Variants in BANK1 observed in about 807,000 individuals in gnomAD.
BANK1 encodes B-cell scaffold protein with ankyrin repeats.
A neutral mutation model predicts 94.5 loss-of-function variants in BANK1; 95 were observed. The observed-to-expected ratio is 1.00, with a 90% CI of 0.85 to 1.19. The LOEUF is 1.19. Ranked by LOEUF, BANK1 falls within the 50% of genes most tolerant of loss-of-function variation. The pLI is 0.00. For synonymous variants in BANK1, 334 were observed against 308.4 expected, an observed-to-expected ratio of 1.08 and a Z score of -0.87; for missense variants, 987 against 932.2, an observed-to-expected ratio of 1.06 and a Z score of -0.77.
chr4:101,915,480 A>C (rs1722796813), intron 6 of BANK1, among the ~76,000 whole-genome samples: 1 of 152,104 alleles, frequency 6.6e-6, no homozygotes, highest in Non-Finnish European at 1.5e-5. Flanking sequence ...TTAGGACATA[A>C]CCTATTCAAC....
chr4:101,798,158 A>G (rs1459723015), intron 1 of BANK1, among the ~76,000 whole-genome samples: 1 of 152,202 alleles, frequency 6.6e-6, no homozygotes, highest in Non-Finnish European at 1.5e-5. Flanking sequence ...AAACTTACAG[A>G]TGACCTTAGA....
intron 3 of BANK1, among the ~76,000 whole-genome samples, chr4:101,862,089 A>G (rs1292436867): frequency 2.0e-5 from 3 of 152,230 alleles, no homozygotes; most frequent in Non-Finnish European, 2.9e-5. Flanking sequence ...AACTTTTTCA[A>G]TTCTATCATT....
chr4:101,874,800 G>A (rs1263124615), intron 5 of BANK1, among the ~76,000 whole-genome samples: 1 of 152,136 alleles, frequency 6.6e-6, no homozygotes, highest in African/African-American at 2.4e-5. Flanking sequence ...TGAACACTGT[G>A]TTTTTCATGT....
intron 1 of BANK1, among the ~76,000 whole-genome samples, chr4:101,811,419 C>T (rs977159258): frequency 2.6e-5 from 4 of 151,964 alleles, no homozygotes; most frequent in African/African-American, 4.8e-5. Flanking sequence ...TTAAAAGCTA[C>T]TCTCTTATAA....
chr4:101,983,716 G>C (rs142705350), intron 7 of BANK1, among the ~76,000 whole-genome samples: 7 of 152,144 alleles, frequency 4.6e-5, no homozygotes, highest in African/African-American at 1.7e-4. Flanking sequence ...TTTGGAAGAA[G>C]GGAGAAAAGA....
intron 2 of BANK1, among the ~76,000 whole-genome samples, chr4:101,846,518 A>G (rs376267002): frequency 5.8e-4 from 89 of 152,304 alleles, no homozygotes; most frequent in Non-Finnish European, 6.2e-4. Context: ...GTAATTTTTA[A>G]GAAGACTGGG....
chr4:101,950,065 G>A (rs1289500955), intron 7 of BANK1, among the ~76,000 whole-genome samples: 4 of 128,090 alleles, frequency 3.1e-5, no homozygotes, highest in East Asian at 4.5e-4. Flanking sequence ...GTGTGTGCGC[G>A]TGCGCGCGCA....
At chr4:101,855,706 C>T (rs749667350) in intron 3 of BANK1, among the ~76,000 whole-genome samples, 2 of 152,144 alleles carry the variant, frequency 1.3e-5, no homozygotes, top group Non-Finnish European at 2.9e-5. Flanking sequence ...TAAAGGGAAA[C>T]ATACCCTTGG....
chr4:102,043,110 G>A (rs1379747952), intron 10 of BANK1, among the ~76,000 whole-genome samples: 1 of 151,926 alleles, frequency 6.6e-6, no homozygotes, highest in Non-Finnish European at 1.5e-5. Flanking sequence ...GTAACTCTGG[G>A]ATGTTCATTT....
intron 7 of BANK1, among the ~76,000 whole-genome samples, chr4:101,945,398 A>T (rs1282828051): frequency 6.6e-6 from 1 of 151,974 alleles, no homozygotes; most frequent in Non-Finnish European, 1.5e-5. Flanking sequence ...GAAATATGCT[A>T]TTCACCATGC....
chr4:101,941,958 G>A lies in BANK1; in HGVS notation c.1206+23769G>A, dbSNP rs1017910518. Among the ~76,000 whole-genome samples, 5 of 151,884 alleles carry A rather than the reference G, an allele frequency of 3.3e-5. No individual in the cohort carries two copies. In the East Asian group the frequency reaches 9.8e-4, roughly 30 times the overall value. On this transcript the variant is annotated intron_variant, in intron 7 of 16. Coordinates refer to ENST00000322953, the MANE Select transcript of BANK1 (RefSeq NM_017935.5). Reference sequence around the variant, plus strand: ...CTGAAACTCCTCAACCATGAAAATAGAACAGTAGAGCACATTTTCTATTGT... The same window carrying A: ...CTGAAACTCCTCAACCATGAAAATAAAACAGTAGAGCACATTTTCTATTGT...
At chr4:101,985,595 T>C (rs1725458411) in intron 7 of BANK1, among the ~76,000 whole-genome samples, 1 of 152,144 alleles carries the variant, frequency 6.6e-6, no homozygotes, top group South Asian at 2.1e-4. Flanking sequence ...CTAATGTTAT[T>C]ATTTAATTGC....
intron 7 of BANK1, among the ~76,000 whole-genome samples, chr4:101,925,827 T>G (rs1262522685): frequency 6.6e-6 from 1 of 151,700 alleles, no homozygotes; most frequent in African/African-American, 2.4e-5. Context: ...TAGAACAGGG[T>G]AACCTAGAGC....
rs10440388 is a variant in BANK1 at position 101,895,865 on chromosome 4, A to G, written c.1009+455A>G. ...GATGTTTTGGTGTATACTTAAGTGA[A>G]TAAAAAGCAGGCTATGTAGCAGAGA... On this transcript the variant is annotated intron_variant, in intron 6 of 16. Transcript: ENST00000322953. Among the ~76,000 whole-genome samples, 926 of 152,028 alleles carry G rather than the reference A, an allele frequency of 6.1e-3. 11 individuals are homozygous for G. The highest frequency in any genetic ancestry group is 0.021 in the African/African-American group (854 of 41,554).
chr4:101,858,016 G>C (rs4698973), intron 3 of BANK1, among the ~76,000 whole-genome samples: 1 of 152,218 alleles, frequency 6.6e-6, no homozygotes, highest in South Asian at 2.1e-4. Context: ...CTGTTCAAAC[G>C]AACCTCATCC....
intron 2 of BANK1, among the ~76,000 whole-genome samples, chr4:101,852,755 A>G (rs909061734): frequency 6.6e-6 from 1 of 151,908 alleles, no homozygotes; most frequent in African/African-American, 2.4e-5. Context: ...CTTATTTCTT[A>G]GATTGCTTCC....
intron 1 of BANK1, among the ~76,000 whole-genome samples, chr4:101,792,255 T>TCCTCC (rs1725012367): frequency 7.8e-6 from 1 of 128,658 alleles, no homozygotes; most frequent in Non-Finnish European, 1.7e-5. Context: ...TGCATTCCGC[T>TCCTCC]CCCCCCCCGC....
At chr4:101,978,898 G>A (rs374693485) in intron 7 of BANK1, among the ~76,000 whole-genome samples, 7 of 152,032 alleles carry the variant, frequency 4.6e-5, no homozygotes, top group East Asian at 3.8e-4. Context: ...TTTTATCAAT[G>A]TAATGATACA....
chr4:102,002,544 TACACACAC>T (rs10559889), intron 7 of BANK1, among the ~76,000 whole-genome samples: 15,106 of 147,828 alleles, frequency 0.1, 982 homozygotes, highest in Admixed American at 0.17. Context: ...TTAATACAAA[TACACACAC>T]ACACACACAC....
Sources: gnomAD v4.1 joint callset for allele counts (sites outside exome capture counted in the v4.1 genomes callset) on GRCh38, gnomAD v4.1.1 for gene constraint, MANE v1.5 for transcripts, NCBI Gene and HGNC (gene_info 2026-07-23, HGNC 2026-07-21) for gene names.